COP1: variants seen among roughly 807,000 people sequenced by gnomAD.
COP1 encodes the protein E3 ubiquitin-protein ligase COP1.
A neutral mutation model predicts 101.3 loss-of-function variants in COP1; 24 were observed. The ratio of observed to expected loss-of-function variants is 0.24; its 90% confidence interval spans 0.17 to 0.33. The LOEUF is 0.33. COP1 is among the 10% of genes least tolerant of loss of function. The pLI is 1.00. For synonymous variants in COP1, 347 were observed against 341.9 expected, an observed-to-expected ratio of 1.01 and a Z score of -0.17; for missense variants, 663 against 906.2, an observed-to-expected ratio of 0.73 and a Z score of 3.45.
At chr1:176,143,973 TACCTACAAAAA>T (rs1691166129) in intron 6 of COP1, among the ~76,000 whole-genome samples, 1 of 152,018 alleles carries the variant, frequency 6.6e-6, no homozygotes, top group Admixed American at 6.6e-5. Context: ...TGATAAAAAG[TACCTACAAAAA>T]ACCTACAGAA....
intron 18 of COP1, among the ~76,000 whole-genome samples, chr1:175,962,865 A>G (rs1047012584): frequency 1.3e-5 from 2 of 152,170 alleles, no homozygotes; most frequent in Non-Finnish European, 1.5e-5. Context: ...GAAAAGCAGA[A>G]AAAAAATTAA....
At chr1:176,122,634 C>G (rs1320609484) in intron 8 of COP1, among the ~76,000 whole-genome samples, 1 of 152,124 alleles carries the variant, frequency 6.6e-6, no homozygotes, top group Non-Finnish European at 1.5e-5. Flanking sequence ...CACCTCTTGT[C>G]TTCTTTTAAT....
intron 1 of COP1, among the ~76,000 whole-genome samples, chr1:176,197,751 A>C (rs907862203): frequency 6.6e-6 from 1 of 152,226 alleles, no homozygotes; most frequent in African/African-American, 2.4e-5. Context: ...TACAGATAAC[A>C]TGACTGTTTT....
At chr1:176,102,994 C>G (rs1039894725) in intron 9 of COP1, among the ~76,000 whole-genome samples, 1 of 152,184 alleles carries the variant, frequency 6.6e-6, no homozygotes, top group African/African-American at 2.4e-5. Flanking sequence ...TCCCCAAATG[C>G]TTGGGGAGAC....
rs150909457 is a variant in COP1 at position 176,059,104 on chromosome 1, C to A, written c.1278-12780G>T. 2.6e-3 allele frequency among the ~76,000 whole-genome samples: 400 copies of A among 152,352 alleles called. 3 individuals carry two copies. Among genetic ancestry groups the A allele is most frequent in the African/African-American group, 9.2e-3 (382 of 41,584 alleles). On this transcript the variant is annotated intron_variant, in intron 11 of 19. Transcript: ENST00000367669. The stretch of plus-strand genomic sequence containing the variant: ...TCAGCTGTGCTCACACAAAAGCACA[C>A]TTTAATGTTTAATTAAACTTTACTT...
intron 11 of COP1, among the ~76,000 whole-genome samples, chr1:176,075,182 A>G (rs965886106): frequency 6.6e-6 from 1 of 152,150 alleles, no homozygotes; most frequent in Admixed American, 6.5e-5. Context: ...AATGCACCCC[A>G]TAATCTGCTG....
At chr1:175,987,639 TTAAAGA>T (rs1226177240) in intron 17 of COP1, among the ~76,000 whole-genome samples, 1 of 152,192 alleles carries the variant, frequency 6.6e-6, no homozygotes, top group African/African-American at 2.4e-5. Context: ...GAGCCATCTA[TTAAAGA>T]TAGAATAATT....
At chr1:176,005,887 C>A (rs1223442603) in intron 15 of COP1, among the ~76,000 whole-genome samples, 1 of 152,044 alleles carries the variant, frequency 6.6e-6, no homozygotes, top group African/African-American at 2.4e-5. Flanking sequence ...GAGCTGAGTT[C>A]AATTCCTGGG....
chr1:176,140,526 C>T (rs1412018634), intron 6 of COP1, among the ~76,000 whole-genome samples: 5 of 152,046 alleles, frequency 3.3e-5, no homozygotes, highest in Admixed American at 3.3e-4. Flanking sequence ...ATTATAAGGG[C>T]ATCAGTGCAA....
chr1:175,973,484 T>C (rs1280216402), intron 18 of COP1, among the ~76,000 whole-genome samples: 1 of 152,246 alleles, frequency 6.6e-6, no homozygotes, highest in Non-Finnish European at 1.5e-5. Flanking sequence ...CATGCAGAGC[T>C]ACAAGTTGCT....
chr1:176,193,548 T>C (rs1377213828), intron 1 of COP1, among the ~76,000 whole-genome samples: 2 of 152,110 alleles, frequency 1.3e-5, no homozygotes, highest in Non-Finnish European at 2.9e-5. Flanking sequence ...TAAATTATAT[T>C]AAAATGTTAT....
At chr1:176,192,289 T>C (rs868854856) in intron 1 of COP1, among the ~76,000 whole-genome samples, 1 of 152,150 alleles carries the variant, frequency 6.6e-6, no homozygotes, top group Admixed American at 6.5e-5. Context: ...TAACAGAAGA[T>C]TTAATTCGTC....
intron 5 of COP1, among the ~76,000 whole-genome samples, chr1:176,159,114 C>G (rs1417665796): frequency 6.6e-6 from 1 of 152,142 alleles, no homozygotes; most frequent in Non-Finnish European, 1.5e-5. Flanking sequence ...TGTTCTCCAA[C>G]TATAATGGAA....
intron 11 of COP1, among the ~76,000 whole-genome samples, chr1:176,060,422 T>C (rs539150620): frequency 2.6e-5 from 4 of 152,338 alleles, no homozygotes; most frequent in Admixed American, 2.6e-4. Flanking sequence ...AAATATATTT[T>C]TGTCCCCAAA....
At chr1:176,183,576 A>C (rs1698059506) in intron 2 of COP1, among the ~76,000 whole-genome samples, 1 of 152,132 alleles carries the variant, frequency 6.6e-6, no homozygotes, top group African/African-American at 2.4e-5. Flanking sequence ...CAAAATTACC[A>C]CATGATCCAG....
chr1:176,046,057 T>A, intron 12 of COP1, 124 bp downstream of exon 12: 1 of 722,226 alleles, frequency 1.4e-6, no homozygotes, highest in Non-Finnish European at 2.3e-6. Flanking sequence ...TCTGTATACA[T>A]AGTACAATAA....
intron 9 of COP1, among the ~76,000 whole-genome samples, chr1:176,094,278 C>T (rs1181332737): frequency 1.3e-5 from 2 of 151,944 alleles, no homozygotes; most frequent in Non-Finnish European, 2.9e-5. Flanking sequence ...ATCCTTTACT[C>T]AAAAACTCTA....
rs536395911 is a variant in COP1, at chr1:176,174,630, A to G, written c.565+1280T>C. On this transcript the variant is annotated intron_variant, in intron 3 of 19. Transcript: ENST00000367669. Reference sequence around the variant, plus strand: ...AGCTAAGGCACTTTTAGAGCAGATAAAAAGGAAAACCATAGCTGAATACGT... The same window carrying G: ...AGCTAAGGCACTTTTAGAGCAGATAGAAAGGAAAACCATAGCTGAATACGT... 3.9e-5 allele frequency among the ~76,000 whole-genome samples: 6 copies of G among 152,332 alleles called. No homozygotes were observed. In the East Asian group the frequency reaches 1.2e-3, roughly 29 times the overall value.
intron 5 of COP1, among the ~76,000 whole-genome samples, chr1:176,157,802 A>G (rs1487809222): frequency 6.6e-6 from 1 of 152,210 alleles, no homozygotes. Flanking sequence ...TATATCCTAC[A>G]ATAAGGGAAA....
Sources: gnomAD v4.1 joint callset for allele counts (sites outside exome capture counted in the v4.1 genomes callset) on GRCh38, gnomAD v4.1.1 for gene constraint, MANE v1.5 for transcripts, NCBI Gene and HGNC (gene_info 2026-07-23, HGNC 2026-07-21) for gene names.